Variants in NYAP2 observed in about 807,000 individuals in gnomAD.
NYAP2 encodes neuronal tyrosine-phosphorylated phosphoinositide-3-kinase adapter 2.
A neutral mutation model predicts 50.4 loss-of-function variants in NYAP2; 23 were observed. The observed-to-expected ratio is 0.46, with a 90% CI of 0.33 to 0.65. The LOEUF (loss-of-function observed/expected upper bound fraction) is 0.65, where lower values mean the gene tolerates loss of function less well. Among genes scored for constraint, NYAP2 ranks in the 30% least tolerant of loss-of-function variants. NYAP2 has a pLI of 0.02. For synonymous variants in NYAP2, 394 were observed against 365.2 expected (o/e 1.08, Z -0.90); for missense variants, 885 against 861.0 (o/e 1.03, Z -0.35).
At chr2:225,607,307 G>A (rs1692804887) in intron 5 of NYAP2, among the ~76,000 whole-genome samples, 1 of 152,058 alleles carries the variant, frequency 6.6e-6, no homozygotes, top group African/African-American at 2.4e-5. Flanking sequence ...ACCATTACCA[G>A]GGTCAGGTTT....
rs1692311553 is a variant in NYAP2 at position 225,582,618 on chromosome 2, C to T, written c.1201C>T (p.Leu401=). The T allele has an allele frequency of 1.3e-6, 2 of 1,594,548 alleles. No individual in the cohort carries two copies. Among genetic ancestry groups the T allele is most frequent in the Admixed American group, 3.5e-5 (2 of 57,612 alleles). Residue 401 remains leucine (L), a synonymous_variant, in exon 5 of 7, where the codon CTG becomes TTG. Coordinates refer to ENST00000636099, the Ensembl canonical transcript of NYAP2. This position sits in a 1 kb window ranked among gnomAD's most constrained non-coding sequence, Gnocchi z 7.0. ...ACTGGAGAAAGAGCAGGCCGCGGCC[C>T]TGGGACCTGCCTCTGCCACCCCTGC...
intron 3 of NYAP2, among the ~76,000 whole-genome samples, chr2:225,447,073 T>A (rs1208362798): frequency 6.6e-6 from 1 of 151,842 alleles, no homozygotes; most frequent in African/African-American, 2.4e-5. Flanking sequence ...TGATAAGAAA[T>A]TGCCTCATGA....
chr2:225,641,502 T>A (rs577813654), intron 6 of NYAP2, among the ~76,000 whole-genome samples: 2 of 147,432 alleles, frequency 1.4e-5, no homozygotes, highest in East Asian at 4.0e-4. Context: ...TTTAAGGTTA[T>A]AAAGTACTTA....
chr2:225,651,038 A>G (rs1693721874), intron 6 of NYAP2, among the ~76,000 whole-genome samples: 2 of 152,256 alleles, frequency 1.3e-5, no homozygotes, highest in South Asian at 4.1e-4. Context: ...ACATTTGGAG[A>G]AGGGATAGAA....
chr2:225,572,010 T>C (rs1692081238), intron 4 of NYAP2, among the ~76,000 whole-genome samples: 1 of 152,240 alleles, frequency 6.6e-6, no homozygotes, highest in South Asian at 2.1e-4. Context: ...CATCAGTCTC[T>C]TTGCTAAAGC....
the NYAP2 span, among the ~76,000 whole-genome samples, chr2:225,679,558 G>A: frequency 8.1e-6 from 1 of 123,534 alleles, no homozygotes; most frequent in Non-Finnish European, 1.6e-5. Context: ...ATAGTGGTGT[G>A]ATCTCAGCTC....
At chr2:225,441,366 G>T (rs755395432) in intron 3 of NYAP2, among the ~76,000 whole-genome samples, 2 of 152,176 alleles carry the variant, frequency 1.3e-5, no homozygotes, top group Non-Finnish European at 2.9e-5. Context: ...GTCATTTCAT[G>T]TAAAGGCACA....
chr2:225,465,199 T>C (rs1156279416), intron 3 of NYAP2, among the ~76,000 whole-genome samples: 3 of 152,146 alleles, frequency 2.0e-5, no homozygotes, highest in African/African-American at 7.2e-5. Flanking sequence ...CATGATTTTC[T>C]TTGCCACTGG....
At chr2:225,628,062 A>AG (rs11451887) in intron 6 of NYAP2, among the ~76,000 whole-genome samples, 145,115 of 152,230 alleles carry the variant, frequency 0.95, 69,272 homozygotes, top group African/African-American at 0.99. Context: ...GCAATTGCTG[A>AG]GGATATTCCT....
intron 3 of NYAP2, among the ~76,000 whole-genome samples, chr2:225,479,631 A>G (rs547485337): frequency 2.7e-5 from 4 of 150,930 alleles, no homozygotes; most frequent in Admixed American, 6.6e-5. Context: ...AAATGCTTAG[A>G]ATTCCAAAGT....
intron 3 of NYAP2, among the ~76,000 whole-genome samples, chr2:225,481,558 C>A (rs775439614): frequency 1.3e-5 from 2 of 151,864 alleles, no homozygotes; most frequent in Non-Finnish European, 2.9e-5. Flanking sequence ...CTTATGGGAC[C>A]GGTTACTAAT....
At chr2:225,671,461 G>A in the NYAP2 span, among the ~76,000 whole-genome samples, 1 of 152,066 alleles carries the variant, frequency 6.6e-6, no homozygotes, top group African/African-American at 2.4e-5. Flanking sequence ...ACTTCTTCAA[G>A]CTCCCTTTCT....
At position 225,522,493 on chromosome 2, in the gene NYAP2, C is replaced by G. The variant is rs184368361; in HGVS notation, c.523+8821C>G. 1.2e-3 allele frequency among the ~76,000 whole-genome samples: 182 copies of G among 152,220 alleles called. 2 individuals carry two copies. The highest frequency in any genetic ancestry group is 2.6e-3 in the Admixed American group (39 of 15,254). ...CTTGGAATGTGTGGTTGAGCCAGAA[C>G]CAAGTGAAGCTGAAGTTTGTTATAA... On this transcript the variant is annotated intron_variant, in intron 4 of 6. Transcript: ENST00000636099.
chr2:225,560,933 GT>G (rs34298369), intron 4 of NYAP2, among the ~76,000 whole-genome samples: 359 of 136,442 alleles, frequency 2.6e-3, no homozygotes, highest in African/African-American at 8.6e-3. Context: ...TTTCCAAAAC[GT>G]TTTTTTTTTT....
At position 225,595,018 on chromosome 2, in the gene NYAP2, T is replaced by C. The variant is rs1194136668; in HGVS notation, c.1618+11983T>C. ...AGAAAAGAACCCAGAACAGCTGAACTGAAAGGAAAAAATTCCAATGCAGAA... is the reference window on the plus strand; with the variant it reads ...AGAAAAGAACCCAGAACAGCTGAACCGAAAGGAAAAAATTCCAATGCAGAA... On this transcript the variant is annotated intron_variant, in intron 5 of 6. Transcript: ENST00000636099. Among the ~76,000 whole-genome samples, 4 of 152,332 alleles carry C rather than the reference T, an allele frequency of 2.6e-5. No homozygotes were observed. The East Asian group carries it at 5.8e-4, about 22-fold the overall frequency.
chr2:225,437,703 T>G (rs1190605977), intron 3 of NYAP2, among the ~76,000 whole-genome samples: 1 of 152,184 alleles, frequency 6.6e-6, no homozygotes, highest in Non-Finnish European at 1.5e-5. Context: ...GCTATGTGCT[T>G]CACGTAAACA....
chr2:225,503,932 C>A (rs138721898), intron 3 of NYAP2, among the ~76,000 whole-genome samples: 1 of 151,968 alleles, frequency 6.6e-6, no homozygotes, highest in African/African-American at 2.4e-5. Context: ...ACTGTTGAAG[C>A]CCTCTTACAA....
the NYAP2 span, among the ~76,000 whole-genome samples, chr2:225,666,890 A>C: frequency 2.9e-5 from 4 of 139,754 alleles, no homozygotes; most frequent in Non-Finnish European, 6.0e-5. Context: ...ACAGCTTTGC[A>C]GGACCATTTC....
At chr2:225,485,411 A>G (rs371611189) in intron 3 of NYAP2, among the ~76,000 whole-genome samples, 2 of 152,330 alleles carry the variant, frequency 1.3e-5, no homozygotes, top group East Asian at 3.9e-4. Flanking sequence ...AAACCATGTT[A>G]GCAACTTCAT....
Sources: allele counts gnomAD v4.1 joint callset (sites outside exome capture counted in the v4.1 genomes callset), GRCh38; gene constraint gnomAD v4.1.1; non-coding constraint Gnocchi (gnomAD v3.1); transcripts MANE v1.5; gene names NCBI Gene and HGNC (gene_info 2026-07-23, HGNC 2026-07-21).